The following SHPK variants were observed in gnomAD, a reference collection of about 807,000 sequenced individuals.
SHPK encodes the protein sedoheptulokinase.
Under a neutral mutation model 46.3 loss-of-function variants are expected in SHPK, and 51 were observed. That is an observed-to-expected ratio of 1.10 (90% CI 0.88 to 1.39). SHPK has a LOEUF of 1.39. Ranked by LOEUF, SHPK falls within the 40% of genes most tolerant of loss-of-function variation. The pLI is 0.00. For missense variants in SHPK, 668 were observed against 641.3 expected, an observed-to-expected ratio of 1.04 and a Z score of -0.45; for synonymous variants, 290 against 273.9, an observed-to-expected ratio of 1.06 and a Z score of -0.58.
intron 2 of SHPK, among the ~76,000 whole-genome samples, chr17:3,626,147 C>T (rs1486057944): frequency 1.3e-5 from 2 of 152,194 alleles, no homozygotes; most frequent in African/African-American, 4.8e-5. Flanking sequence ...GATCCTTATT[C>T]TTTCATATGG....
At chr17:3,615,923 T>C (rs1247655226) in intron 5 of SHPK, among the ~76,000 whole-genome samples, 1 of 150,036 alleles carries the variant, frequency 6.7e-6, no homozygotes, top group Non-Finnish European at 1.5e-5. Flanking sequence ...GGTGCGATCT[T>C]GGCTCACTAC....
At chr17:3,628,657 G>A (rs988803358) in intron 2 of SHPK, among the ~76,000 whole-genome samples, 2 of 151,314 alleles carry the variant, frequency 1.3e-5, no homozygotes, top group African/African-American at 4.9e-5. Flanking sequence ...TGTTGTTGTC[G>A]TTGCTTTCTG....
intron 6 of SHPK, 78 bp from the exon 7 acceptor site, chr17:3,611,050 G>T: frequency 7.5e-7 from 1 of 1,332,698 alleles, no homozygotes; most frequent in Non-Finnish European, 1.0e-6. Flanking sequence ...AATTCCCACA[G>T]GGTGGGAACA....
chr17:3,623,293 T>C, intron 4 of SHPK, 46 bp downstream of exon 4: 1 of 1,608,906 alleles, frequency 6.2e-7, no homozygotes, highest in Non-Finnish European at 8.5e-7. Flanking sequence ...GGGGTTGCCC[T>C]TCAGATTGGA....
intron 5 of SHPK, among the ~76,000 whole-genome samples, chr17:3,616,791 T>A (rs540299916): frequency 6.6e-5 from 10 of 152,298 alleles, no homozygotes; most frequent in African/African-American, 2.4e-4. Flanking sequence ...CAGTCTGGAG[T>A]GCAATGGCGC....
intron 6 of SHPK, among the ~76,000 whole-genome samples, chr17:3,614,502 G>A (rs907136317): frequency 2.7e-5 from 4 of 150,160 alleles, no homozygotes; most frequent in African/African-American, 7.5e-5. Context: ...TCCAGCCTGG[G>A]CAACAGAGCG....
intron 2 of SHPK, among the ~76,000 whole-genome samples, chr17:3,625,466 G>A (rs1189938375): frequency 2.6e-5 from 4 of 152,170 alleles, no homozygotes; most frequent in Admixed American, 6.6e-5. Context: ...CGCCGAGGCC[G>A]CCATGCTGAG....
intron 2 of SHPK, among the ~76,000 whole-genome samples, chr17:3,626,264 T>G (rs1377210203): frequency 6.6e-6 from 1 of 152,180 alleles, no homozygotes; most frequent in Non-Finnish European, 1.5e-5. Context: ...TCTTTGACAT[T>G]CTATGGGCCC....
At position 3,636,191 on chromosome 17, in the gene SHPK, A is replaced by G. The variant is rs763721920; in HGVS notation, c.29T>C (p.Ile10Thr). 19 of 1,607,386 alleles carry G rather than the reference A, an allele frequency of 1.2e-5. No individual in the cohort carries two copies. Among genetic ancestry groups the G allele is most frequent in the Non-Finnish European group, 1.4e-5 (17 of 1,175,804 alleles). The change falls in exon 1 of 7, where the codon ATT (isoleucine) becomes ACT (threonine). Residue 10 changes from isoleucine to threonine, a missense_variant. Ile to Thr is a moderately conservative substitution (Grantham distance 89, BLOSUM62 -1). Coordinates refer to ENST00000225519, the MANE Select transcript of SHPK (RefSeq NM_013276.4). ...CTTCACAGATGTGGTGCCCAGGTCA[A>G]TGCCGAGGGTGATCGGCCGCGCAGC... MAARPITLG[I>T]DLGTTSVKAA...
chr17:3,635,247 G>A (rs748555100), intron 1 of SHPK, among the ~76,000 whole-genome samples: 3 of 137,444 alleles, frequency 2.2e-5, no homozygotes, highest in Admixed American at 1.4e-4. Flanking sequence ...GGAAGGAAGG[G>A]AAGGAAGGGA....
chr17:3,611,340 G>C (rs534427722), intron 6 of SHPK, among the ~76,000 whole-genome samples: 1 of 152,174 alleles, frequency 6.6e-6, no homozygotes, highest in African/African-American at 2.4e-5. Context: ...AGGCCAAGGC[G>C]GGCAGATCAC....
intron 4 of SHPK, among the ~76,000 whole-genome samples, chr17:3,623,122 G>A (rs1317822563): frequency 6.6e-6 from 1 of 152,216 alleles, no homozygotes; most frequent in Non-Finnish European, 1.5e-5. Flanking sequence ...GAGCAGGACA[G>A]CATGGCTGAG....
At position 3,636,167 on chromosome 17, in the gene SHPK, T is replaced by C; in HGVS notation, c.53A>G (p.Lys18Arg). The C allele has an allele frequency of 6.2e-7, 1 of 1,612,216 alleles. No individual in the cohort carries two copies. The highest frequency in any genetic ancestry group is 1.1e-5 in the South Asian group (1 of 90,894). Residue 18 changes from lysine (K) to arginine (R), a missense_variant, in exon 1 of 7, where the codon AAG becomes AGG. Coordinates refer to ENST00000225519, the MANE Select transcript of SHPK (RefSeq NM_013276.4). ...LGIDLGTTSV[K>R]AALLRAAPDD... ...GGGCGCGGCCCTCAGCAGAGCTGCC[T>C]TCACAGATGTGGTGCCCAGGTCAAT...
At chr17:3,618,073 T>A (rs1480196987) in intron 5 of SHPK, among the ~76,000 whole-genome samples, 5 of 152,214 alleles carry the variant, frequency 3.3e-5, no homozygotes, top group African/African-American at 9.6e-5. Flanking sequence ...GCTACCATGA[T>A]TCACAAATCA....
At chr17:3,619,260 G>A (rs535184453) in intron 5 of SHPK, 1 of 727,178 alleles carries the variant, frequency 1.4e-6, no homozygotes, top group East Asian at 3.1e-5. Context: ...AAATCACACA[G>A]AAGAAGCTGC....
At position 3,621,370 on chromosome 17, in the gene SHPK, G is replaced by GCCAC; in HGVS notation, c.689_690insGTGG (p.Ile230MetfsTer18). On this transcript the variant is annotated frameshift_variant, in exon 5 of 7. Transcript: ENST00000225519. LOFTEE classifies it high-confidence loss of function. ...TGCCCGCCACACTGCCAGGCTCGGC[G>GCCAC]ATGTCTGGGAGCAGGTGGACAGGAA... The GCCAC allele has an allele frequency of 1.2e-6, 2 of 1,614,140 alleles. No individual in the cohort carries two copies. The highest frequency in any genetic ancestry group is 1.7e-6 in the Non-Finnish European group (2 of 1,179,998).
chr17:3,621,601 T>TTCCCTCCC (rs201385296), intron 4 of SHPK, among the ~76,000 whole-genome samples, 189 bp from the exon 5 acceptor site: 4 of 121,002 alleles, frequency 3.3e-5, no homozygotes, highest in African/African-American at 9.7e-5. Context: ...TCTCCATTCC[T>TTCCCTCCC]TCCCTCCCTC....
chr17:3,619,054 A>G (rs1174505795), intron 5 of SHPK, among the ~76,000 whole-genome samples: 1 of 150,824 alleles, frequency 6.6e-6, no homozygotes, highest in East Asian at 2.0e-4. Context: ...TTTCAAGTTT[A>G]ATCATTTTGT....
In SHPK at chr17:3,626,968, T is replaced by G. The variant is rs965978671; in HGVS notation, c.311-2737A>C. Among the ~76,000 whole-genome samples, 15 of 152,314 alleles carry G rather than the reference T, an allele frequency of 9.8e-5. 4 individuals are homozygous for G. Among genetic ancestry groups the G allele is most frequent in the Admixed American group, 2.0e-4 (3 of 15,290 alleles). On this transcript the variant is annotated intron_variant, in intron 2 of 6. Coordinates refer to ENST00000225519, the MANE Select transcript of SHPK (RefSeq NM_013276.4). ...CAACTCTCGACATTACGGAACATTT[T>G]GATTTCTTACCATCCAATGGGTGGA...
Sources: gnomAD v4.1 joint callset for allele counts (sites outside exome capture counted in the v4.1 genomes callset) on GRCh38, gnomAD v4.1.1 for gene constraint, MANE v1.5 for transcripts, NCBI Gene and HGNC (gene_info 2026-07-23, HGNC 2026-07-21) for gene names.